CNBD1: variants seen among roughly 807,000 people sequenced by gnomAD.
CNBD1 encodes cyclic nucleotide-binding domain-containing protein 1.
CNBD1 carries 71 observed loss-of-function variants against 54.4 expected under a neutral mutation model. The observed-to-expected ratio is 1.30, with a 90% CI of 1.08 to 1.59. CNBD1 has a LOEUF of 1.59. CNBD1 is among the 40% of genes most tolerant of loss of function. The probability of loss-of-function intolerance (pLI) is 0.00; values close to 1 mark genes in which losing one functional copy is unlikely to be tolerated. For missense variants in CNBD1, 659 were observed against 518.0 expected (o/e 1.27, Z -2.64); for synonymous variants, 182 against 170.7 (o/e 1.07, Z -0.51).
Position 87,074,723 on chromosome 8 carries a change from C to T in CNBD1, c.432-131270C>T, listed in dbSNP as rs553189671. ...CACTCCTGGGTGGACTATCACCCCA[C>T]CCTGCTTTTCTTCATTCTCCGTGGG... On this transcript the variant is annotated intron_variant, in intron 4 of 10. Coordinates refer to ENST00000518476, the MANE Select transcript of CNBD1 (RefSeq NM_173538.3). 5.3e-5 allele frequency among the ~76,000 whole-genome samples: 8 copies of T among 152,048 alleles called. No individual in the cohort carries two copies. In the South Asian group the frequency reaches 1.7e-3, roughly 32 times the overall value.
chr8:87,305,425 C>T (rs1246898879), intron 8 of CNBD1, among the ~76,000 whole-genome samples: 1 of 151,964 alleles, frequency 6.6e-6, no homozygotes, highest in East Asian at 1.9e-4. Flanking sequence ...TGATGTGGAA[C>T]CAAAAAAGTG....
intron 8 of CNBD1, among the ~76,000 whole-genome samples, chr8:87,327,420 G>T (rs1056276228): frequency 3.3e-5 from 5 of 152,100 alleles, no homozygotes; most frequent in Admixed American, 6.6e-5. Context: ...CTGCCTTGCA[G>T]TTTGATCTCA....
chr8:86,997,414 A>G (rs939521587), intron 4 of CNBD1, among the ~76,000 whole-genome samples: 1 of 152,186 alleles, frequency 6.6e-6, no homozygotes, highest in Non-Finnish European at 1.5e-5. Flanking sequence ...TGGAAAGGTA[A>G]TTAGACATGA....
chr8:87,334,774 A>G (rs748397800), intron 8 of CNBD1, among the ~76,000 whole-genome samples: 57 of 146,278 alleles, frequency 3.9e-4, no homozygotes, highest in Non-Finnish European at 7.1e-4. Flanking sequence ...GCCATAGTGC[A>G]GTGCAGTGGC....
chr8:87,389,963 T>A (rs1312102317), intron 2 of CNBD1, among the ~76,000 whole-genome samples: 1 of 151,922 alleles, frequency 6.6e-6, no homozygotes, highest in African/African-American at 2.4e-5. Context: ...AACAATCTGA[T>A]CTTTGACAAA....
intron 8 of CNBD1, among the ~76,000 whole-genome samples, chr8:87,300,027 G>A (rs997260763): frequency 6.6e-6 from 1 of 152,126 alleles, no homozygotes; most frequent in African/African-American, 2.4e-5. Flanking sequence ...AGGGAAACAT[G>A]AAGAGTTTTC....
chr8:87,108,942 T>C (rs929872018), intron 4 of CNBD1, among the ~76,000 whole-genome samples: 4 of 152,182 alleles, frequency 2.6e-5, no homozygotes, highest in Admixed American at 2.6e-4. Flanking sequence ...ATAACAAAAA[T>C]AGCATTTGGT....
At chr8:87,270,479 T>G (rs576523445) in intron 6 of CNBD1, among the ~76,000 whole-genome samples, 1 of 152,012 alleles carries the variant, frequency 6.6e-6, no homozygotes, top group African/African-American at 2.4e-5. Context: ...CTGGCAAGAT[T>G]GTGAGAAAAA....
chr8:86,967,053 C>A (rs1348542562), intron 4 of CNBD1, among the ~76,000 whole-genome samples: 1 of 152,162 alleles, frequency 6.6e-6, no homozygotes, highest in Admixed American at 6.5e-5. Context: ...CAATCCTTAG[C>A]TAGACAGAAA....
intron 4 of CNBD1, among the ~76,000 whole-genome samples, chr8:86,957,288 T>C (rs895071142): frequency 3.3e-5 from 5 of 152,136 alleles, no homozygotes; most frequent in Non-Finnish European, 7.4e-5. Flanking sequence ...TCTAAAATTA[T>C]GTTTTTTTTG....
At chr8:87,162,908 C>T (rs1812886521) in intron 4 of CNBD1, among the ~76,000 whole-genome samples, 1 of 152,058 alleles carries the variant, frequency 6.6e-6, no homozygotes, top group Non-Finnish European at 1.5e-5. Context: ...CTCCTTCCCT[C>T]CTGAATTGGA....
At chr8:87,151,911 TG>T (rs1382303823) in intron 4 of CNBD1, among the ~76,000 whole-genome samples, 1 of 152,138 alleles carries the variant, frequency 6.6e-6, no homozygotes, top group East Asian at 1.9e-4. Context: ...AGAAAATTTT[TG>T]ATACTTTAAA....
At chr8:87,116,276 A>T (rs1467194861) in intron 4 of CNBD1, among the ~76,000 whole-genome samples, 1 of 138,992 alleles carries the variant, frequency 7.2e-6, no homozygotes, top group African/African-American at 2.8e-5. Context: ...AACATGACTC[A>T]CTACAGCCTC....
chr8:87,401,722 A>G (rs1375720910), intron 2 of CNBD1, among the ~76,000 whole-genome samples: 1 of 152,058 alleles, frequency 6.6e-6, no homozygotes, highest in Non-Finnish European at 1.5e-5. Flanking sequence ...GTAAGATGTT[A>G]ATGATTTTCG....
Position 87,147,994 on chromosome 8 carries a change from A to T in CNBD1, c.432-57999A>T, listed in dbSNP as rs1167334953. On this transcript the variant is annotated intron_variant, in intron 4 of 10. Transcript: ENST00000518476. ...AGGGTCCGTTTAAAATTTCTAGGCA[A>T]TGTATTTTTCTTTTAGCATGTTAAA... Among the ~76,000 whole-genome samples the T allele has an allele frequency of 5.3e-5, 8 of 152,248 alleles. No homozygotes were observed. The East Asian group carries it at 1.5e-3, about 29-fold the overall frequency.
chr8:87,045,724 C>CATAAAAA (rs1810169664), intron 4 of CNBD1, among the ~76,000 whole-genome samples: 1 of 51,084 alleles, frequency 2.0e-5, no homozygotes. Flanking sequence ...GACTCCGTCT[C>CATAAAAA]AAAAAAAAAA....
rs896207145 is a variant in CNBD1, at chr8:87,259,850, C to G, written c.771+22738C>G. Among the ~76,000 whole-genome samples, 9 of 152,214 alleles carry G rather than the reference C, an allele frequency of 5.9e-5. No individual in the cohort carries two copies. In the East Asian group the frequency reaches 1.7e-3, roughly 29 times the overall value. Reference sequence around the variant, plus strand: ...TAAGCTGAGTTTTAACCACAGGACTCTTTAATAAAGTCCTTTTAAAATTTA... The same window carrying G: ...TAAGCTGAGTTTTAACCACAGGACTGTTTAATAAAGTCCTTTTAAAATTTA... On this transcript the variant is annotated intron_variant, in intron 6 of 10. Coordinates refer to ENST00000518476, the MANE Select transcript of CNBD1 (RefSeq NM_173538.3).
chr8:87,217,622 T>G (rs1316926327), intron 5 of CNBD1, among the ~76,000 whole-genome samples: 1 of 151,764 alleles, frequency 6.6e-6, no homozygotes, highest in East Asian at 1.9e-4. Context: ...TGTTAATGTC[T>G]GAAGTTAAAA....
In CNBD1 at chr8:87,109,564, A is replaced by C. The variant is rs537450452; in HGVS notation, c.432-96429A>C. On this transcript the variant is annotated intron_variant, in intron 4 of 10. Transcript: ENST00000518476. ...TCTTTTTTTTTTTTTTTTGAGGCAG[A>C]GTCTCACTCTGTCGCCCAGGCTGGA... 2.2e-5 allele frequency among the ~76,000 whole-genome samples: 3 copies of C among 134,646 alleles called. No individual in the cohort carries two copies. In the East Asian group the frequency reaches 6.4e-4, roughly 29 times the overall value. 88.3% of individuals were successfully genotyped at this position (134,646 alleles called of 152,430 possible). A position where few individuals can be genotyped will look rare whatever the true frequency, so the allele number is the denominator to read the frequency against.
Sources: allele counts gnomAD v4.1 joint callset (sites outside exome capture counted in the v4.1 genomes callset), GRCh38; gene constraint gnomAD v4.1.1; transcripts MANE v1.5; gene names NCBI Gene and HGNC (gene_info 2026-07-23, HGNC 2026-07-21).